The following GEMIN5 variants were observed in gnomAD, a reference collection of about 807,000 sequenced individuals.
GEMIN5 encodes gem nuclear organelle associated protein 5.
A neutral mutation model predicts 176.9 loss-of-function variants in GEMIN5; 124 were observed. That is an observed-to-expected ratio of 0.70 (90% CI 0.61 to 0.81). The LOEUF is 0.81. Ranked by LOEUF, GEMIN5 falls within the 40% of genes least tolerant of loss-of-function variation. The pLI is 0.00. For synonymous variants in GEMIN5, 673 were observed against 665.2 expected (o/e 1.01, Z -0.18); for missense variants, 1,843 against 1,814.6 (o/e 1.02, Z -0.28).
intron 26 of GEMIN5, among the ~76,000 whole-genome samples, chr5:154,890,941 A>G (rs1763211234): frequency 6.6e-6 from 1 of 151,840 alleles, no homozygotes; most frequent in Admixed American, 6.6e-5. Context: ...TTTTTAGTAG[A>G]GACGGGGTTT....
chr5:154,931,791 G>A lies in GEMIN5; in HGVS notation c.662-214C>T, dbSNP rs1033814084. 7 of 505,022 alleles carry A rather than the reference G, an allele frequency of 1.4e-5. No homozygotes were observed. The Admixed American group carries it at 1.4e-4, about 10-fold the overall frequency. The allele number at this position is 505,022 out of a possible 1,614,324, so 31.3% of individuals were successfully genotyped here. ...GCATTTTGGGAGGCTGAGGCAGGTG[G>A]ATCACCTGAGGTCGGGAGTTCAAGA... On this transcript the variant is annotated intron_variant, in intron 4 of 27. Transcript: ENST00000285873.
chr5:154,902,633 C>A lies in GEMIN5; in HGVS notation c.2772G>T (p.Gln924His). The A allele has an allele frequency of 6.2e-7, 1 of 1,614,010 alleles. No individual in the cohort carries two copies. Among genetic ancestry groups the A allele is most frequent in the Non-Finnish European group, 8.5e-7 (1 of 1,179,866 alleles). Residue 924 changes from glutamine to histidine, a missense_variant, in exon 20 of 28, where the codon CAG becomes CAT. Physicochemically the swap from Gln to His is conservative, Grantham distance 24. Coordinates refer to ENST00000285873, the MANE Select transcript of GEMIN5 (RefSeq NM_015465.5). The stretch of plus-strand genomic sequence containing the variant: ...TGAGATCTCCTTTCCAAAGCATAAG[C>A]TGGTGAAATAACTCAGGGTGGCCAT... Reference protein sequence around the residue: ...LENGHPELFHQLMLWKGDLKG... With the variant: ...LENGHPELFHHLMLWKGDLKG...
chr5:154,915,749 G>A (rs138241147), intron 13 of GEMIN5, among the ~76,000 whole-genome samples: 124 of 152,300 alleles, frequency 8.1e-4, no homozygotes, highest in African/African-American at 2.5e-3. Flanking sequence ...AATGAGGTAT[G>A]TGTCCTCTGT....
chr5:154,903,280 CTG>C (rs2113469900), intron 18 of GEMIN5, 105 bp from the exon 19 acceptor site: 3 of 721,502 alleles, frequency 4.2e-6, no homozygotes, highest in East Asian at 5.2e-5. Context: ...ACTTCAGACA[CTG>C]AGAGAATCAG....
At chr5:154,890,444 G>A (rs1763200720) in intron 26 of GEMIN5, among the ~76,000 whole-genome samples, 1 of 150,114 alleles carries the variant, frequency 6.7e-6, no homozygotes, top group Non-Finnish European at 1.5e-5. Context: ...AAATTCCTTT[G>A]TCACCTGGCT....
At position 154,938,196 on chromosome 5, in the gene GEMIN5, A is replaced by T; in HGVS notation, c.-63T>A. 7.9e-7 allele frequency: 1 copy of T among 1,260,602 alleles called. No individual in the cohort carries two copies. Among genetic ancestry groups the T allele is most frequent in the Admixed American group, 4.1e-5 (1 of 24,490 alleles). 78.1% of individuals were successfully genotyped at this position (1,260,602 alleles called of 1,614,324 possible). A position where few individuals can be genotyped will look rare whatever the true frequency, so the allele number is the denominator to read the frequency against. Reference sequence around the variant, plus strand: ...CCGACCGCTCGTAGCCTCACGCCTTAGGTAGGGAGCGGGGCGGGGTGAACT... The same window carrying T: ...CCGACCGCTCGTAGCCTCACGCCTTTGGTAGGGAGCGGGGCGGGGTGAACT... On this transcript the variant is annotated 5_prime_UTR_variant, in exon 1 of 28. Transcript: ENST00000285873.
In GEMIN5 at chr5:154,927,478, T is replaced by C. The variant is rs141629991; in HGVS notation, c.987A>G (p.Glu329=). 6.6e-5 allele frequency: 106 copies of C among 1,609,704 alleles called. No homozygotes were observed. Among genetic ancestry groups the C allele is most frequent in the Non-Finnish European group, 8.8e-5 (103 of 1,176,028 alleles). Residue 329 remains glutamate (E), a synonymous_variant, in exon 7 of 28, where the codon GAA becomes GAG. Transcript: ENST00000285873. ...RKYTLFSASS[E]GQNHSRIVFN... The stretch of plus-strand genomic sequence containing the variant: ...ACACAATTCTTGAATGATTTTGCCC[T>C]TCTGATGAGGCACTGAAGAGGGTGT...
At chr5:154,920,200 T>A in intron 10 of GEMIN5, 97 bp from the exon 11 acceptor site, 1 of 834,492 alleles carries the variant, frequency 1.2e-6, no homozygotes, top group South Asian at 2.1e-5. Context: ...ATAGTTGTTT[T>A]AAAAGAACTA....
chr5:154,904,772 A>C, intron 17 of GEMIN5, 143 bp from the exon 18 acceptor site: 1 of 606,218 alleles, frequency 1.6e-6, no homozygotes. Flanking sequence ...AGGCTTTCAA[A>C]ATAAATTTGC....
In GEMIN5 at chr5:154,888,252, G is replaced by A. The variant is rs1354790308; in HGVS notation, c.4485C>T (p.Asn1495=). 4 of 1,614,166 alleles carry A rather than the reference G, an allele frequency of 2.5e-6. No individual in the cohort carries two copies. Among genetic ancestry groups the A allele is most frequent in the African/African-American group, 2.7e-5 (2 of 75,034 alleles). The change falls in exon 28 of 28, where the codon AAC becomes AAT. Residue 1495 remains asparagine (N), a synonymous_variant. Coordinates refer to ENST00000285873, the MANE Select transcript of GEMIN5 (RefSeq NM_015465.5). ...QAQELLQKYG[N]TKTYRRHCQT... ...GGCAGTGTCTTCTGTAAGTTTTCGT[G>A]TTGCCGTATTTCTGAAGGAGCTCTT...
Position 154,937,951 on chromosome 5 carries a change from C to G in GEMIN5, c.166+17G>C. The G allele has an allele frequency of 6.4e-7, 1 of 1,557,882 alleles. No individual in the cohort carries two copies. The highest frequency in any genetic ancestry group is 8.7e-7 in the Non-Finnish European group (1 of 1,155,168). ...TACAAAGGGCAGTAAGTCTCGGGCC[C>G]AAGGGTGGTGAGTTACCTCGAAACG... On this transcript the variant is annotated intron_variant, in intron 1 of 27. Coordinates refer to ENST00000285873, the MANE Select transcript of GEMIN5 (RefSeq NM_015465.5).
rs184404340 is a variant in GEMIN5, at chr5:154,912,410, C to T, written c.1995+489G>A. On this transcript the variant is annotated intron_variant, in intron 14 of 27. Transcript: ENST00000285873. ...ATCTCAATTACAACTCAACACTAAG[C>T]GAGATACATCACAGATGTTAAGTCC... Among the ~76,000 whole-genome samples, 524 of 152,288 alleles carry T rather than the reference C, an allele frequency of 3.4e-3. 4 individuals are homozygous for T. The highest frequency in any genetic ancestry group is 0.012 in the African/African-American group (507 of 41,546).
chr5:154,920,185 A>C, intron 10 of GEMIN5, 82 bp from the exon 11 acceptor site: 7 of 1,038,820 alleles, frequency 6.7e-6, no homozygotes, highest in Non-Finnish European at 9.8e-6. Context: ...ACCATACCAT[A>C]CTACATAGTT....
intron 16 of GEMIN5, among the ~76,000 whole-genome samples, chr5:154,906,937 AT>A (rs1465943099): frequency 6.6e-6 from 1 of 152,210 alleles, no homozygotes; most frequent in Non-Finnish European, 1.5e-5. Context: ...GGGACCAGAT[AT>A]TTATCACTTG....
In GEMIN5 at chr5:154,917,966, T is replaced by G. The variant is rs372573885; in HGVS notation, c.1638A>C (p.Ala546=). ...TGCCAAGAGCCATGATTTTGCCATC[T>G]GCTTTCCAACTTATCTCTGTGTGTA... is the stretch of plus-strand genomic sequence containing the variant. ...LPVHTEISWK[A]DGKIMALGNE... The change falls in exon 12 of 28, where the codon GCA becomes GCC. Residue 546 remains alanine (A), a synonymous_variant. Coordinates refer to ENST00000285873, the MANE Select transcript of GEMIN5 (RefSeq NM_015465.5). The G allele has an allele frequency of 1.9e-6, 3 of 1,613,004 alleles. No homozygotes were observed. The highest frequency in any genetic ancestry group is 1.3e-5 in the African/African-American group (1 of 75,048).
chr5:154,898,554 G>A lies in GEMIN5; in HGVS notation c.3231C>T (p.Ile1077=), dbSNP rs200127873. 133 of 1,614,060 alleles carry A rather than the reference G, an allele frequency of 8.2e-5. No individual in the cohort carries two copies. The highest frequency in any genetic ancestry group is 1.8e-4 in the East Asian group (8 of 44,870). The change falls in exon 23 of 28, where the codon ATC becomes ATT. Residue 1077 remains isoleucine (I), a synonymous_variant. Transcript: ENST00000285873. The part of the protein sequence containing the change: ...SLRTAAELAA[I]VGEDELSASL... The stretch of plus-strand genomic sequence containing the variant: ...AAGCAGACAACTCATCCTCTCCTAC[G>A]ATGGCAGCCAACTCTGCAGCCGTTC...
At chr5:154,889,459 T>C (rs1334128336) in intron 26 of GEMIN5, 42 bp from the exon 27 acceptor site, 1 of 1,112,236 alleles carries the variant, frequency 9.0e-7, no homozygotes, top group African/African-American at 1.5e-5. Flanking sequence ...TGTCTTGCCC[T>C]GGGTAACATT....
chr5:154,890,380 G>A (rs886892884), intron 26 of GEMIN5, among the ~76,000 whole-genome samples: 1 of 151,936 alleles, frequency 6.6e-6, no homozygotes, highest in Admixed American at 6.6e-5. Context: ...GCCCTCAGGA[G>A]GCCCTGAGAG....
intron 4 of GEMIN5, 85 bp from the exon 5 acceptor site, chr5:154,931,662 C>A: frequency 9.0e-7 from 1 of 1,106,710 alleles, no homozygotes; most frequent in Non-Finnish European, 1.3e-6. Flanking sequence ...GTTTCCAAAA[C>A]TTAGCTATCT....
Sources: allele counts gnomAD v4.1 joint callset (sites outside exome capture counted in the v4.1 genomes callset), GRCh38; gene constraint gnomAD v4.1.1; transcripts MANE v1.5; gene names NCBI Gene and HGNC (gene_info 2026-07-23, HGNC 2026-07-21).